Variants in PYGB observed in about 807,000 individuals in gnomAD.
The protein encoded by PYGB is glycogen phosphorylase B.
In PYGB, 82 loss-of-function variants were observed where a neutral mutation model predicts 94.3. That is an observed-to-expected ratio of 0.87 (90% CI 0.73 to 1.04). The LOEUF (loss-of-function observed/expected upper bound fraction) is 1.04, where lower values mean the gene tolerates loss of function less well. Among genes scored for constraint, PYGB ranks in the 50% least tolerant of loss-of-function variants. PYGB has a pLI of 0.00. For synonymous variants in PYGB, 488 were observed against 479.1 expected (o/e 1.02, Z -0.24); for missense variants, 1,132 against 1,158.2 (o/e 0.98, Z 0.33).
intron 18 of PYGB, chr20:25,295,033 G>C: frequency 6.2e-7 from 1 of 1,614,208 alleles, no homozygotes; most frequent in Non-Finnish European, 8.5e-7. Context: ...GCTGAGGTCT[G>C]TGATAAAGGA....
At position 25,296,551 on chromosome 20, in the gene PYGB, G is replaced by T; in HGVS notation, c.*29G>T. The T allele has an allele frequency of 1.3e-6, 2 of 1,589,282 alleles. No homozygotes were observed. The highest frequency in any genetic ancestry group is 1.1e-5 in the South Asian group (1 of 88,606). On this transcript the variant is annotated 3_prime_UTR_variant, in exon 20 of 20. Coordinates refer to ENST00000216962, the MANE Select transcript of PYGB (RefSeq NM_002862.4). Reference sequence around the variant, plus strand: ...CACCCTGCCTTGGCGGGACCAGCGGGCATTTGTTTTCTTGCTGACTTTGCA... The same window carrying T: ...CACCCTGCCTTGGCGGGACCAGCGGTCATTTGTTTTCTTGCTGACTTTGCA...
intron 12 of PYGB, among the ~76,000 whole-genome samples, 170 bp from the exon 13 acceptor site, chr20:25,283,006 G>C (rs1369329796): frequency 2.0e-5 from 3 of 152,172 alleles, no homozygotes; most frequent in Non-Finnish European, 4.4e-5. Context: ...GGAAGGAGGG[G>C]CTGCTGGGGT....
chr20:25,276,877 C>G, intron 6 of PYGB, 120 bp downstream of exon 6: 1 of 876,076 alleles, frequency 1.1e-6, no homozygotes, highest in Admixed American at 2.4e-5. Flanking sequence ...CGGCCCTCCT[C>G]TAGGGTGTCC....
rs199825528 is a variant in PYGB, at chr20:25,297,362, C to T, written c.*840C>T. ...TTAGCAACTGAAAATTGTACTTGGT[C>T]ACTTTTGTGCTTGAGGAGGCCCATT... On this transcript the variant is annotated 3_prime_UTR_variant, in exon 20 of 20. Coordinates refer to ENST00000216962, the MANE Select transcript of PYGB (RefSeq NM_002862.4). 2 of 152,394 alleles carry T rather than the reference C, an allele frequency of 1.3e-5. No homozygotes were observed. Among genetic ancestry groups the T allele is most frequent in the Non-Finnish European group, 2.9e-5 (2 of 68,054 alleles). The allele number at this position is 152,394 out of a possible 1,614,324, so 9.4% of individuals were successfully genotyped here.
At chr20:25,291,307 G>A (rs2088465549) in intron 16 of PYGB, among the ~76,000 whole-genome samples, 1 of 152,156 alleles carries the variant, frequency 6.6e-6, no homozygotes, top group African/African-American at 2.4e-5. Context: ...CTACTGGGCA[G>A]GAAAGTGATT....
intron 12 of PYGB, 143 bp from the exon 13 acceptor site, chr20:25,283,033 A>G (rs1600736500): frequency 3.0e-6 from 2 of 664,218 alleles, no homozygotes; most frequent in East Asian, 5.4e-5. Flanking sequence ...GTGGCCTGAG[A>G]GGTGGGATGC....
intron 14 of PYGB, among the ~76,000 whole-genome samples, chr20:25,288,030 G>A (rs377005530): frequency 1.3e-5 from 2 of 152,304 alleles, no homozygotes; most frequent in Non-Finnish European, 1.5e-5. Flanking sequence ...ATGTACAGGG[G>A]CCTTGAACAC....
intron 10 of PYGB, 144 bp downstream of exon 10, chr20:25,280,556 C>G: frequency 8.3e-7 from 1 of 1,204,476 alleles, no homozygotes; most frequent in Non-Finnish European, 1.1e-6. Context: ...GGGGGCTGTC[C>G]CTTGGCAGAG....
At chr20:25,285,390 C>G (rs2088408579) in intron 14 of PYGB, 1 of 152,184 alleles carries the variant, frequency 6.6e-6, no homozygotes, top group African/African-American at 2.4e-5. Context: ...CTCCCTTCCT[C>G]CCGCTCCACC....
chr20:25,284,028 T>C (rs2257705), intron 13 of PYGB, 76 bp from the exon 14 acceptor site: 703,122 of 1,555,262 alleles, frequency 0.45, 165,600 homozygotes, highest in East Asian at 0.92. Flanking sequence ...ACAGGGCACT[T>C]GAAGCAGGAA....
chr20:25,287,221 C>T (rs1477417588), intron 14 of PYGB, among the ~76,000 whole-genome samples: 1 of 152,266 alleles, frequency 6.6e-6, no homozygotes, highest in Non-Finnish European at 1.5e-5. Flanking sequence ...TTTGGGGGCC[C>T]TCACCCGCTG....
rs929115100 is a variant in PYGB, at chr20:25,296,564, T to C, written c.*42T>C. The C allele has an allele frequency of 6.3e-7, 1 of 1,578,718 alleles. No homozygotes were observed. Among genetic ancestry groups the C allele is most frequent in the African/African-American group, 1.3e-5 (1 of 74,158 alleles). On this transcript the variant is annotated 3_prime_UTR_variant, in exon 20 of 20. Transcript: ENST00000216962. ...CGGGACCAGCGGGCATTTGTTTTCT[T>C]GCTGACTTTGCACCTCCTTTTTTCC...
At position 25,277,366 on chromosome 20, in the gene PYGB, G is replaced by T. The variant is rs201993490; in HGVS notation, c.855+40G>T. Reference sequence around the variant, plus strand: ...TGGGCACTCTTGCTCAGGCCGTATCGCTTTCTGGCATAGAGAGGTGGGCTG... The same window carrying T: ...TGGGCACTCTTGCTCAGGCCGTATCTCTTTCTGGCATAGAGAGGTGGGCTG... On this transcript the variant is annotated intron_variant, in intron 7 of 19. Coordinates refer to ENST00000216962, the MANE Select transcript of PYGB (RefSeq NM_002862.4). The T allele has an allele frequency of 2.0e-6, 3 of 1,517,764 alleles. No homozygotes were observed. The African/African-American group carries it at 4.1e-5, about 21-fold the overall frequency. The allele number at this position is 1,517,764 out of a possible 1,614,324, so 94.0% of individuals were successfully genotyped here.
intron 18 of PYGB, chr20:25,295,115 T>C (rs2088520143): frequency 3.6e-6 from 5 of 1,373,572 alleles, no homozygotes; most frequent in South Asian, 1.2e-5. Context: ...AGAAATGCAT[T>C]TGTAGATTCA....
chr20:25,293,991 G>C, intron 17 of PYGB, 167 bp from the exon 18 acceptor site: 2 of 810,454 alleles, frequency 2.5e-6, no homozygotes, highest in East Asian at 5.4e-5. Flanking sequence ...CCCTGCTCAA[G>C]GGCCTCGTAA....
At chr20:25,283,961 A>G in intron 13 of PYGB, 143 bp from the exon 14 acceptor site, 2 of 942,458 alleles carry the variant, frequency 2.1e-6, no homozygotes, top group Non-Finnish European at 3.1e-6. Flanking sequence ...CCCTGGTGCA[A>G]TCTCTGCCCC....
At position 25,248,360 on chromosome 20, in the gene PYGB, G is replaced by C; in HGVS notation, c.182G>C (p.Arg61Pro). 2 of 1,598,200 alleles carry C rather than the reference G, an allele frequency of 1.3e-6. No individual in the cohort carries two copies. Among genetic ancestry groups the C allele is most frequent in the Non-Finnish European group, 1.7e-6 (2 of 1,173,522 alleles). ...TTCTTCGCGCTGGCGCACACGGTGC[G>C]CGACCACCTCGTGGGCCGCTGGATC... ...DYFFALAHTV[R>P]DHLVGRWIRT... Residue 61 changes from arginine to proline, a missense_variant, in exon 1 of 20, where the codon CGC (arginine) becomes CCC (proline). Coordinates refer to ENST00000216962, the MANE Select transcript of PYGB (RefSeq NM_002862.4).
intron 2 of PYGB, among the ~76,000 whole-genome samples, chr20:25,268,614 C>T (rs1454213703): frequency 1.3e-5 from 2 of 152,112 alleles, no homozygotes; most frequent in South Asian, 2.1e-4. Context: ...TTGTCAAGTT[C>T]GTGCACTAAA....
Position 25,294,354 on chromosome 20 carries a change from G to T in PYGB, c.2312+62G>T, listed in dbSNP as rs573031959. On this transcript the variant is annotated intron_variant, in intron 18 of 19. Coordinates refer to ENST00000216962, the MANE Select transcript of PYGB (RefSeq NM_002862.4). The stretch of plus-strand genomic sequence containing the variant: ...AGGGAGGGAGGGAGGGGTCCTCTTC[G>T]TGGGTTGGATATTCCACCTTGTTTG... 1.1e-4 allele frequency: 159 copies of T among 1,504,326 alleles called. 6 individuals are homozygous for T. In the South Asian group the frequency reaches 1.8e-3, roughly 17 times the overall value. The allele number at this position is 1,504,326 out of a possible 1,614,324, so 93.2% of individuals were successfully genotyped here.
Sources: allele counts gnomAD v4.1 joint callset (sites outside exome capture counted in the v4.1 genomes callset), GRCh38; gene constraint gnomAD v4.1.1; transcripts MANE v1.5; gene names NCBI Gene and HGNC (gene_info 2026-07-23, HGNC 2026-07-21).